The following STAT4 variants were observed in gnomAD, a reference collection of about 807,000 sequenced individuals.
STAT4 encodes the protein signal transducer and activator of transcription 4.
A neutral mutation model predicts 110.5 loss-of-function variants in STAT4; 42 were observed. That is an observed-to-expected ratio of 0.38 (90% CI 0.30 to 0.49). The LOEUF (loss-of-function observed/expected upper bound fraction) is 0.49. STAT4 is among the 20% of genes least tolerant of loss of function. The pLI, the probability that STAT4 is intolerant of heterozygous loss-of-function variation, is 0.95. For synonymous variants in STAT4, 284 were observed against 302.2 expected (o/e 0.94, Z 0.63); for missense variants, 632 against 887.9 (o/e 0.71, Z 3.66).
intron 3 of STAT4, chr2:191,131,767 C>A: frequency 1.5e-6 from 2 of 1,299,070 alleles, no homozygotes; most frequent in South Asian, 2.5e-5. Flanking sequence ...ATTCCTGTAT[C>A]TTGGTTTCCT....
rs370819441 is a variant in STAT4 at position 191,073,136 on chromosome 2, C to T, written c.427G>A (p.Val143Met). 85 of 1,613,902 alleles carry T rather than the reference C, an allele frequency of 5.3e-5. No individual in the cohort carries two copies. The highest frequency in any genetic ancestry group is 6.1e-5 in the Non-Finnish European group (72 of 1,179,950). ...TTAATGGCAGCCACTTTGTGCTCCA[C>T]ATTCCTCTGTCTTTCTGAAACTGAA... is the stretch of plus-strand genomic sequence containing the variant. The part of the protein sequence containing the change: ...SSSVSERQRN[V>M]EHKVAAIKNS... The change falls in exon 5 of 24, where the codon GTG (valine) becomes ATG (methionine). Residue 143 changes from valine to methionine, a missense_variant. Physicochemically the swap from Val to Met is conservative, Grantham distance 21. Coordinates refer to ENST00000392320, the MANE Select transcript of STAT4 (RefSeq NM_003151.4).
intron 2 of STAT4, 64 bp downstream of exon 2, chr2:191,148,012 T>C: frequency 6.3e-7 from 1 of 1,596,246 alleles, no homozygotes; most frequent in South Asian, 1.1e-5. Flanking sequence ...ATAAAATAAA[T>C]TCACATGGAT....
In STAT4 at chr2:191,146,612, C is replaced by A; in HGVS notation, c.273+1G>T. On this transcript the variant is annotated splice_donor_variant, in intron 3 of 23. Transcript: ENST00000392320. LOFTEE classifies it high-confidence loss of function. The surrounding 1 kb of genome is among the most constrained non-coding windows in gnomAD (Gnocchi z 4.5). Reference sequence around the variant, plus strand: ...TTTGGAAAAGTAGAATGCATTCTTACCTGAAGGACCTTCCTAATTCTTTTT... The same window carrying A: ...TTTGGAAAAGTAGAATGCATTCTTAACTGAAGGACCTTCCTAATTCTTTTT... 1 of 1,520,744 alleles carries A rather than the reference C, an allele frequency of 6.6e-7. No individual in the cohort carries two copies. The highest frequency in any genetic ancestry group is 2.2e-5 in the Admixed American group (1 of 45,864). The allele number at this position is 1,520,744 out of a possible 1,614,324, so 94.2% of individuals were successfully genotyped here.
intron 5 of STAT4, among the ~76,000 whole-genome samples, chr2:191,072,499 A>G (rs750751756): frequency 8.5e-5 from 13 of 152,220 alleles, no homozygotes; most frequent in South Asian, 4.1e-4. Flanking sequence ...CAGATAATAT[A>G]TGGGACTGTT....
intron 3 of STAT4, among the ~76,000 whole-genome samples, chr2:191,124,702 A>C (rs1398658241): frequency 6.6e-6 from 1 of 152,162 alleles, no homozygotes; most frequent in East Asian, 1.9e-4. Flanking sequence ...ATTGTGCATC[A>C]ATATCTGTGT....
At chr2:191,130,445 ATCTCCT>A (rs1472994181) in intron 3 of STAT4, among the ~76,000 whole-genome samples, 1 of 151,470 alleles carries the variant, frequency 6.6e-6, no homozygotes, top group East Asian at 1.9e-4. Context: ...GATGGTCTCG[ATCTCCT>A]GACCTCGTGA....
intron 5 of STAT4, among the ~76,000 whole-genome samples, chr2:191,072,493 T>TA (rs1385513340): frequency 6.6e-6 from 1 of 152,218 alleles, no homozygotes; most frequent in Non-Finnish European, 1.5e-5. Flanking sequence ...ACTATTCAGA[T>TA]AATATATGGG....
intron 3 of STAT4, among the ~76,000 whole-genome samples, chr2:191,095,689 T>G (rs1413154315): frequency 6.6e-6 from 1 of 151,886 alleles, no homozygotes; most frequent in Non-Finnish European, 1.5e-5. Context: ...TACCCTAACA[T>G]CACAATTAAA....
chr2:191,038,590 C>CT (rs1011710271), intron 16 of STAT4, among the ~76,000 whole-genome samples: 2 of 152,140 alleles, frequency 1.3e-5, no homozygotes, highest in Admixed American at 6.5e-5. Context: ...GCTGACTCAT[C>CT]TTTTTTGCCA....
chr2:191,142,393 TG>T lies in STAT4; in HGVS notation c.273+4219del, dbSNP rs1699359691. Among the ~76,000 whole-genome samples, 2 of 152,030 alleles carry T rather than the reference TG, an allele frequency of 1.3e-5. No homozygotes were observed. The highest frequency in any genetic ancestry group is 2.9e-5 in the Non-Finnish European group (2 of 68,018). ...AATATCGCATGTTCTCACTCATATG[TG>T]GGAGCTAAAGAAGTGGATCTCATGG... On this transcript the variant is annotated intron_variant, in intron 3 of 23. Coordinates refer to ENST00000392320, the MANE Select transcript of STAT4 (RefSeq NM_003151.4). The surrounding 1 kb of genome is among the most constrained non-coding windows in gnomAD (Gnocchi z 4.1).
intron 3 of STAT4, among the ~76,000 whole-genome samples, chr2:191,101,678 T>C (rs899233611): frequency 7.2e-5 from 11 of 152,176 alleles, no homozygotes; most frequent in Admixed American, 7.2e-4. Flanking sequence ...TAAAGTGTCC[T>C]ACTACTGGTC....
Position 191,076,230 on chromosome 2 carries a change from G to C in STAT4, c.369C>G (p.Val123=), listed in dbSNP as rs948592364. ...TCACAAGGTCAGAAAATATTACCTGGACAGGCATGTTGGCTGCAGCCAATA... is the reference window on the plus strand; with the variant it reads ...TCACAAGGTCAGAAAATATTACCTGCACAGGCATGTTGGCTGCAGCCAATA... ...RRILAAANMP[V]QGPLEKSLQS... Residue 123 remains valine (V), a synonymous_variant, in exon 4 of 24, where the codon GTC becomes GTG. Transcript: ENST00000392320. 6.2e-7 allele frequency: 1 copy of C among 1,612,146 alleles called. No homozygotes were observed. Among genetic ancestry groups the C allele is most frequent in the Admixed American group, 1.7e-5 (1 of 59,936 alleles).
chr2:191,088,022 T>C (rs367675245), intron 3 of STAT4, among the ~76,000 whole-genome samples: 1 of 152,150 alleles, frequency 6.6e-6, no homozygotes, highest in East Asian at 1.9e-4. Context: ...CAGCATCATA[T>C]TGCAAGTAGT....
At chr2:191,071,263 G>A (rs1329418746) in intron 5 of STAT4, among the ~76,000 whole-genome samples, 1 of 152,144 alleles carries the variant, frequency 6.6e-6, no homozygotes, top group African/African-American at 2.4e-5. Flanking sequence ...ATCTAGTCTA[G>A]TCTAGCTTCA....
intron 3 of STAT4, among the ~76,000 whole-genome samples, chr2:191,118,522 T>C (rs1047994000): frequency 2.6e-5 from 4 of 152,220 alleles, no homozygotes; most frequent in Non-Finnish European, 5.9e-5. Context: ...AATATAGTCA[T>C]TATTCCATTT....
chr2:191,118,219 A>C (rs993731091), intron 3 of STAT4, among the ~76,000 whole-genome samples: 2 of 152,166 alleles, frequency 1.3e-5, no homozygotes, highest in Non-Finnish European at 2.9e-5. Context: ...ACTTTTAGAA[A>C]TTTATCCTAA....
chr2:191,130,738 A>C (rs1699013613), intron 3 of STAT4, among the ~76,000 whole-genome samples: 2 of 151,688 alleles, frequency 1.3e-5, no homozygotes, highest in East Asian at 3.9e-4. Context: ...ATTTCTTTTA[A>C]TTTGTGGTGA....
At chr2:191,111,396 T>A (rs946866328) in intron 3 of STAT4, among the ~76,000 whole-genome samples, 2 of 152,226 alleles carry the variant, frequency 1.3e-5, no homozygotes, top group Non-Finnish European at 2.9e-5. Context: ...TTCTTGAATA[T>A]TTCGGAGTAT....
Position 191,132,439 on chromosome 2 carries a change from G to A in STAT4, c.273+14174C>T, listed in dbSNP as rs925945149. The stretch of plus-strand genomic sequence containing the variant: ...AGAGCTTCTTGAAAAACTACTTGAT[G>A]AAATCTAGGCAATTCAGAATGAAGC... On this transcript the variant is annotated intron_variant, in intron 3 of 23. Coordinates refer to ENST00000392320, the MANE Select transcript of STAT4 (RefSeq NM_003151.4). Among the ~76,000 whole-genome samples, 2 of 151,772 alleles carry A rather than the reference G, an allele frequency of 1.3e-5. 1 individual carries two copies. Among genetic ancestry groups the A allele is most frequent in the African/African-American group, 4.9e-5 (2 of 41,052 alleles).
Sources: gnomAD v4.1 joint callset for allele counts (sites outside exome capture counted in the v4.1 genomes callset) on GRCh38, gnomAD v4.1.1 for gene constraint, Gnocchi (gnomAD v3.1) non-coding constraint, MANE v1.5 for transcripts, NCBI Gene and HGNC (gene_info 2026-07-23, HGNC 2026-07-21) for gene names.